The following CSMD1 variants were observed in gnomAD, a reference collection of about 807,000 sequenced individuals.
The protein encoded by CSMD1 is CUB and Sushi multiple domains 1.
In CSMD1, 213 loss-of-function variants were observed where a neutral mutation model predicts 417.5. That is an observed-to-expected ratio of 0.51 (90% CI 0.46 to 0.57). CSMD1 has a LOEUF of 0.57. Among genes scored for constraint, CSMD1 ranks in the 20% least tolerant of loss-of-function variants. CSMD1 has a pLI of 0.00. For synonymous variants in CSMD1, 2,862 were observed against 1,736.8 expected (o/e 1.65, Z -16.11); for missense variants, 6,923 against 4,529.7 (o/e 1.53, Z -15.17).
chr8:4,171,395 T>G (rs1025247478), intron 3 of CSMD1, among the ~76,000 whole-genome samples: 2 of 151,934 alleles, frequency 1.3e-5, no homozygotes, highest in African/African-American at 2.4e-5. Flanking sequence ...GTATTTATTG[T>G]GAATATTTGA....
At chr8:3,067,671 T>C (rs1050117435) in intron 49 of CSMD1, among the ~76,000 whole-genome samples, 1 of 150,574 alleles carries the variant, frequency 6.6e-6, no homozygotes, top group African/African-American at 2.4e-5. Flanking sequence ...TAATAAAAAT[T>C]TATATTCACT....
chr8:4,638,456 G>A (rs1802979815), intron 1 of CSMD1, among the ~76,000 whole-genome samples: 1 of 152,096 alleles, frequency 6.6e-6, no homozygotes, highest in African/African-American at 2.4e-5. Context: ...CATAAAACAA[G>A]GTAAGTTAAA....
chr8:3,515,650 A>C (rs942555890), intron 10 of CSMD1, among the ~76,000 whole-genome samples: 1 of 152,240 alleles, frequency 6.6e-6, no homozygotes, highest in African/African-American at 2.4e-5. Flanking sequence ...AATGTGGCCA[A>C]CTTGCAACAG....
intron 3 of CSMD1, among the ~76,000 whole-genome samples, chr8:4,373,253 A>G (rs571200681): frequency 1.3e-5 from 2 of 152,338 alleles, no homozygotes; most frequent in Admixed American, 6.5e-5. Context: ...GAGCCTACGA[A>G]GGTATGATAA....
At chr8:4,317,738 C>G (rs1389594533) in intron 3 of CSMD1, among the ~76,000 whole-genome samples, 4 of 152,262 alleles carry the variant, frequency 2.6e-5, no homozygotes, top group Admixed American at 6.5e-5. Context: ...GAGTACATGT[C>G]TGTACCATTT....
chr8:3,693,739 A>G (rs1368676197), intron 7 of CSMD1, among the ~76,000 whole-genome samples: 1 of 151,912 alleles, frequency 6.6e-6, no homozygotes, highest in East Asian at 1.9e-4. Context: ...TATGCTTGTT[A>G]TGGTGTGTGT....
At chr8:4,595,163 G>C (rs1800188745) in intron 2 of CSMD1, among the ~76,000 whole-genome samples, 1 of 152,026 alleles carries the variant, frequency 6.6e-6, no homozygotes, top group African/African-American at 2.4e-5. Flanking sequence ...CACAGTGAAA[G>C]AGTGTTACTA....
intron 7 of CSMD1, among the ~76,000 whole-genome samples, chr8:3,667,841 G>A (rs1047007594): frequency 6.6e-6 from 1 of 152,204 alleles, no homozygotes; most frequent in African/African-American, 2.4e-5. Flanking sequence ...ATCCTGGAGT[G>A]TCTGTATGTT....
At chr8:4,486,162 CATATATATATATACATACATAT>C (rs1563223678) in intron 2 of CSMD1, among the ~76,000 whole-genome samples, 1,389 of 48,096 alleles carry the variant, frequency 0.029, 66 homozygotes, top group African/African-American at 0.052. Context: ...TATATACATA[CATATATATATATACATACATAT>C]ATATATATAT....
intron 23 of CSMD1, among the ~76,000 whole-genome samples, chr8:3,329,349 G>T (rs1806741315): frequency 6.6e-6 from 1 of 152,082 alleles, no homozygotes; most frequent in South Asian, 2.1e-4. Context: ...TTTGCAGCGT[G>T]ACAGAGCCCA....
chr8:3,106,737 A>G (rs1226113897), intron 45 of CSMD1, 96 bp from the exon 46 acceptor site: 1 of 577,784 alleles, frequency 1.7e-6, no homozygotes, highest in African/African-American at 1.9e-5. Context: ...GAATTAAATC[A>G]ACTTGCAAAT....
intron 1 of CSMD1, among the ~76,000 whole-genome samples, chr8:4,716,356 A>G (rs983480237): frequency 6.6e-6 from 1 of 152,240 alleles, no homozygotes; most frequent in Non-Finnish European, 1.5e-5. Context: ...CAGGCATGAC[A>G]TCAAGTGACT....
At chr8:3,633,250 C>T (rs970357682) in intron 7 of CSMD1, among the ~76,000 whole-genome samples, 1 of 152,172 alleles carries the variant, frequency 6.6e-6, no homozygotes, top group Non-Finnish European at 1.5e-5. Flanking sequence ...ACATAAATTA[C>T]TCTGACACTG....
At chr8:4,623,735 G>C (rs1382779020) in intron 2 of CSMD1, among the ~76,000 whole-genome samples, 3 of 151,964 alleles carry the variant, frequency 2.0e-5, no homozygotes, top group African/African-American at 7.3e-5. Context: ...ATACAGATGT[G>C]TGTGTGTATA....
At chr8:3,483,748 T>C (rs1297818583) in intron 11 of CSMD1, among the ~76,000 whole-genome samples, 2 of 152,082 alleles carry the variant, frequency 1.3e-5, no homozygotes, top group Non-Finnish European at 2.9e-5. Context: ...CAACAAAATA[T>C]TAGAAAACTG....
chr8:4,758,456 G>A (rs1439618662), intron 1 of CSMD1, among the ~76,000 whole-genome samples: 1 of 152,154 alleles, frequency 6.6e-6, no homozygotes, highest in Non-Finnish European at 1.5e-5. Flanking sequence ...GGAAGCGTGA[G>A]CAAGGAAGGA....
chr8:4,319,289 G>A (rs573040099), intron 3 of CSMD1, among the ~76,000 whole-genome samples: 4 of 151,928 alleles, frequency 2.6e-5, no homozygotes, highest in Non-Finnish European at 4.4e-5. Flanking sequence ...TCCTTTCCTT[G>A]CTTTTAAACA....
At chr8:4,880,004 T>C (rs991086108) in intron 1 of CSMD1, among the ~76,000 whole-genome samples, 1 of 152,126 alleles carries the variant, frequency 6.6e-6, no homozygotes, top group Non-Finnish European at 1.5e-5. Context: ...GAATCATCCA[T>C]TGGCTGATTT....
chr8:3,625,032 A>G (rs1016410267), intron 7 of CSMD1, among the ~76,000 whole-genome samples: 2 of 151,872 alleles, frequency 1.3e-5, no homozygotes, highest in Admixed American at 1.3e-4. Flanking sequence ...GATAATTTTG[A>G]TTTACAGCAT....
Sources: gnomAD v4.1 joint callset for allele counts (sites outside exome capture counted in the v4.1 genomes callset) on GRCh38, gnomAD v4.1.1 for gene constraint, MANE v1.5 for transcripts, NCBI Gene and HGNC (gene_info 2026-07-23, HGNC 2026-07-21) for gene names.